Variants in ZNF836 observed in about 807,000 individuals in gnomAD.
The protein encoded by ZNF836 is zinc finger protein 836.
Under a neutral mutation model 7.4 loss-of-function variants are expected in ZNF836, and 12 were observed. The observed-to-expected ratio is 1.61, with a 90% CI of 1.03 to 2.61. The LOEUF is 2.61. Ranked by LOEUF, ZNF836 falls within the 30% of genes most tolerant of loss-of-function variation. The pLI is 0.00. For synonymous variants in ZNF836, 365 were observed against 382.6 expected, an observed-to-expected ratio of 0.95 and a Z score of 0.54; for missense variants, 998 against 1,126.2, an observed-to-expected ratio of 0.89 and a Z score of 1.63.
At chr19:52,167,806 C>G (rs1211787297) in intron 3 of ZNF836, among the ~76,000 whole-genome samples, 1 of 152,112 alleles carries the variant, frequency 6.6e-6, no homozygotes, top group South Asian at 2.1e-4. Context: ...GGGCCCATAC[C>G]CCGTCTCCAT....
Position 52,154,660 on chromosome 19 carries a change from A to T in ZNF836, c.*212T>A, listed in dbSNP as rs529343840. ...GGCGACAGAGAGAGACTCCGTCTCA[A>T]AAAAGCAAAACAAACAAAAAAACAA... On this transcript the variant is annotated 3_prime_UTR_variant, in exon 5 of 5. Coordinates refer to ENST00000682614, the MANE Select transcript of ZNF836 (RefSeq NM_001102657.3). 3.1e-3 allele frequency: 1,295 copies of T among 422,552 alleles called. 12 individuals are homozygous for T. The highest frequency in any genetic ancestry group is 0.019 in the South Asian group (366 of 18,792). The allele number at this position is 422,552 out of a possible 1,614,324, so 26.2% of individuals were successfully genotyped here.
rs2089162378 is a variant in ZNF836 at position 52,156,542 on chromosome 19, T to A, written c.1141A>T (p.Thr381Ser). 6.2e-7 allele frequency: 1 copy of A among 1,614,038 alleles called. No homozygotes were observed. ...TTGCATTTGTATGGTTTCTCTCCAG[T>A]GTGGATTCTCTGGTGATTTACAAGA... ...SNLVNHQRIH[T>S]GEKPYKCNIC... is the part of the protein sequence containing the mutation. Residue 381 changes from threonine (T) to serine (S), a missense_variant, in exon 5 of 5, where the codon ACT becomes TCT. Thr to Ser is a moderately conservative substitution (Grantham distance 58). Transcript: ENST00000682614.
At position 52,164,449 on chromosome 19, in the gene ZNF836, A is replaced by AAAGGAAGG. The variant is rs59942431; in HGVS notation, c.15+3601_15+3608dup. 8.3e-3 allele frequency among the ~76,000 whole-genome samples: 1,139 copies of AAAGGAAGG among 137,262 alleles called. 24 individuals are homozygous for AAAGGAAGG. The highest frequency in any genetic ancestry group is 0.03 in the African/African-American group (1,054 of 34,992). 90.0% of individuals were successfully genotyped at this position (137,262 alleles called of 152,430 possible). A position where few individuals can be genotyped will look rare whatever the true frequency, so the allele number is the denominator to read the frequency against. On this transcript the variant is annotated intron_variant, in intron 3 of 4. Coordinates refer to ENST00000682614, the MANE Select transcript of ZNF836 (RefSeq NM_001102657.3). ...AGGGAGGGAGAGAGAGAGAGAGAGA[A>AAAGGAAGG]AAGGAAGGAAGGAAGGAAGGAAGGA... is the stretch of plus-strand genomic sequence containing the variant.
chr19:52,166,574 TC>T (rs1389264857), intron 3 of ZNF836, among the ~76,000 whole-genome samples: 1 of 110,294 alleles, frequency 9.1e-6, no homozygotes, highest in Non-Finnish European at 2.2e-5. Context: ...TGTACCAACT[TC>T]TTTTTTTTTT....
At chr19:52,167,222 T>C (rs2089272870) in intron 3 of ZNF836, among the ~76,000 whole-genome samples, 1 of 151,764 alleles carries the variant, frequency 6.6e-6, no homozygotes, top group Admixed American at 6.6e-5. Context: ...CTGTAATCCC[T>C]GCATTTTGGG....
rs1266970984 is a variant in ZNF836, at chr19:52,154,666, C to G, written c.*206G>C. The G allele has an allele frequency of 4.6e-6, 2 of 438,050 alleles. No homozygotes were observed. Among genetic ancestry groups the G allele is most frequent in the Non-Finnish European group, 7.9e-6 (2 of 254,152 alleles). The allele number at this position is 438,050 out of a possible 1,614,324, so 27.1% of individuals were successfully genotyped here. On this transcript the variant is annotated 3_prime_UTR_variant, in exon 5 of 5. Transcript: ENST00000682614. Reference sequence around the variant, plus strand: ...AGAGAGAGACTCCGTCTCAAAAAAGCAAAACAAACAAAAAAACAAGATCTC... The same window carrying G: ...AGAGAGAGACTCCGTCTCAAAAAAGGAAAACAAACAAAAAAACAAGATCTC...
intron 2 of ZNF836, among the ~76,000 whole-genome samples, chr19:52,169,440 G>A (rs944126161): frequency 2.0e-5 from 3 of 152,086 alleles, no homozygotes; most frequent in Non-Finnish European, 4.4e-5. Flanking sequence ...TCAGCCAGGC[G>A]TGGTGGCACA....
Position 52,155,640 on chromosome 19 carries a change from G to A in ZNF836, c.2043C>T (p.Leu681=). ...CAGTATGAATTATCAGATGTTTAGT[G>A]AGGCTTGAACGCTGAGTATAGGCTT... The part of the protein sequence containing the change: ...CGKAYTQRSS[L]TKHLIIHTGE... Residue 681 remains leucine (L), a synonymous_variant, in exon 5 of 5, where the codon CTC becomes CTT. Transcript: ENST00000682614. The A allele has an allele frequency of 6.2e-7, 1 of 1,613,784 alleles. No homozygotes were observed. Among genetic ancestry groups the A allele is most frequent in the Non-Finnish European group, 8.5e-7 (1 of 1,179,912 alleles).
At position 52,160,645 on chromosome 19, in the gene ZNF836, A is replaced by G. The variant is rs1300155714; in HGVS notation, c.16-54T>C. On this transcript the variant is annotated intron_variant, in intron 3 of 4. Transcript: ENST00000682614. The stretch of plus-strand genomic sequence containing the variant: ...GCAATGGGAGAGCTCTTATCTATAC[A>G]TAAAATGAGAAGAGGAGAGAACTGT... The G allele has an allele frequency of 7.8e-6, 12 of 1,538,910 alleles. No individual in the cohort carries two copies. The African/African-American group carries it at 9.7e-5, about 12-fold the overall frequency.
At chr19:52,168,660 C>T (rs1000094793) in intron 2 of ZNF836, among the ~76,000 whole-genome samples, 2 of 151,858 alleles carry the variant, frequency 1.3e-5, no homozygotes, top group South Asian at 4.2e-4. Context: ...TTTATGTGTA[C>T]GTGTATTTAT....
Position 52,155,853 on chromosome 19 carries a change from G to A in ZNF836, c.1830C>T (p.Tyr610=), listed in dbSNP as rs749338569. The change falls in exon 5 of 5, where the codon TAC becomes TAT. Residue 610 remains tyrosine, a synonymous_variant. Transcript: ENST00000682614. ...AGACCTTGCCACACACATTACATTT[G>A]TAAGGTTTCTGCCCAGTATGAATTC... ...HLRIHTGQKP[Y]KCNVCGKVFN... is the part of the protein sequence containing the mutation. 1.4e-5 allele frequency: 23 copies of A among 1,613,858 alleles called. No homozygotes were observed. The East Asian group carries it at 3.3e-4, about 23-fold the overall frequency.
rs764149950 is a variant in ZNF836, at chr19:52,155,540, T to C, written c.2143A>G (p.Asn715Asp). 1.2e-6 allele frequency: 2 copies of C among 1,613,984 alleles called. No homozygotes were observed. Among genetic ancestry groups the C allele is most frequent in the Admixed American group, 3.3e-5 (2 of 60,026 alleles). ...TTGTGTGGTTTCTCCCCAGTAGGAT[T>C]TCTGTGATATCTTGCAAGTTTTGAA... The part of the protein sequence containing the change: ...QSSKLARYHR[N>D]PTGEKPHKCS... The change falls in exon 5 of 5, where the codon AAT becomes GAT. Residue 715 changes from asparagine to aspartate, a missense_variant. Transcript: ENST00000682614.
intron 3 of ZNF836, among the ~76,000 whole-genome samples, chr19:52,162,688 C>T (rs1438506776): frequency 6.6e-6 from 1 of 152,138 alleles, no homozygotes; most frequent in Non-Finnish European, 1.5e-5. Context: ...TTGTTGGTAA[C>T]TCAGTCGGCC....
chr19:52,160,805 T>G (rs551561431), intron 3 of ZNF836, among the ~76,000 whole-genome samples: 25 of 152,214 alleles, frequency 1.6e-4, no homozygotes, highest in Non-Finnish European at 3.4e-4. Context: ...GGCTTCTCAT[T>G]TTTGTGTACA....
At chr19:52,171,239 T>A (rs546660456) in intron 1 of ZNF836, 97 bp downstream of exon 1, 35 of 152,294 alleles carry the variant, frequency 2.3e-4, no homozygotes, top group African/African-American at 8.0e-4. Flanking sequence ...ACGACCTGAG[T>A]GGGGTTGTCT....
At chr19:52,164,858 C>G (rs886518108) in intron 3 of ZNF836, among the ~76,000 whole-genome samples, 4 of 152,180 alleles carry the variant, frequency 2.6e-5, no homozygotes, top group Non-Finnish European at 4.4e-5. Context: ...GAGGCTAAGG[C>G]AAGCGGATGA....
At chr19:52,162,104 C>T (rs2089217822) in intron 3 of ZNF836, among the ~76,000 whole-genome samples, 1 of 152,196 alleles carries the variant, frequency 6.6e-6, no homozygotes, top group Non-Finnish European at 1.5e-5. Context: ...TCCCAACATC[C>T]TGGGGATCCC....
At position 52,161,856 on chromosome 19, in the gene ZNF836, CAA is replaced by C. The variant is rs1391764940; in HGVS notation, c.16-1267_16-1266del. Among the ~76,000 whole-genome samples the C allele has an allele frequency of 2.0e-5, 3 of 152,142 alleles. No individual in the cohort carries two copies. Among genetic ancestry groups the C allele is most frequent in the Non-Finnish European group, 4.4e-5 (3 of 68,030 alleles). On this transcript the variant is annotated intron_variant, in intron 3 of 4. Transcript: ENST00000682614. This position sits in a 1 kb window ranked among gnomAD's most constrained non-coding sequence, Gnocchi z 4.1. ...CTCAAACATGCATTTCATCCAAAGG[CAA>C]ACTGCTTTCTAGTTGTGAACCTATG...
chr19:52,154,339 C>T lies in ZNF836; in HGVS notation c.*533G>A, dbSNP rs1316405305. On this transcript the variant is annotated 3_prime_UTR_variant, in exon 5 of 5. Transcript: ENST00000682614. ...TGCTGGGATTACAGGCATGACCCAC[C>T]ATGCCTAACGTGCCATACACTTTTA... Among the ~76,000 whole-genome samples the T allele has an allele frequency of 2.0e-5, 3 of 152,130 alleles. No individual in the cohort carries two copies. Among genetic ancestry groups the T allele is most frequent in the African/African-American group, 7.2e-5 (3 of 41,422 alleles).
Sources: allele counts gnomAD v4.1 joint callset (sites outside exome capture counted in the v4.1 genomes callset), GRCh38; gene constraint gnomAD v4.1.1; non-coding constraint Gnocchi (gnomAD v3.1); transcripts MANE v1.5; gene names NCBI Gene and HGNC (gene_info 2026-07-23, HGNC 2026-07-21).